Variants in SLC38A6 observed in about 807,000 individuals in gnomAD.
SLC38A6 encodes solute carrier family 38 member 6.
In SLC38A6, 73 loss-of-function variants were observed where a neutral mutation model predicts 65.0. The ratio of observed to expected loss-of-function variants is 1.12; its 90% CI spans 0.93 to 1.37. The LOEUF is 1.37. SLC38A6 is among the 40% of genes most tolerant of loss of function. SLC38A6 has a pLI of 0.00. For missense variants in SLC38A6, 561 were observed against 531.1 expected, an observed-to-expected ratio of 1.06 and a Z score of -0.55; for synonymous variants, 183 against 178.8, an observed-to-expected ratio of 1.02 and a Z score of -0.19.
At chr14:61,022,628 CATCTT>C (rs2040404033) in intron 5 of SLC38A6, among the ~76,000 whole-genome samples, 1 of 151,960 alleles carries the variant, frequency 6.6e-6, no homozygotes, top group Non-Finnish European at 1.5e-5. Flanking sequence ...AATTTTTACA[CATCTT>C]AAGTGCCTGT....
chr14:61,003,795 T>C (rs2038878996), intron 3 of SLC38A6, among the ~76,000 whole-genome samples: 1 of 152,100 alleles, frequency 6.6e-6, no homozygotes, highest in South Asian at 2.1e-4. Flanking sequence ...GTCTCAGGAA[T>C]GGAAAAGTGC....
intron 15 of SLC38A6, among the ~76,000 whole-genome samples, chr14:61,077,424 G>A (rs917588676): frequency 5.9e-5 from 9 of 152,002 alleles, no homozygotes; most frequent in South Asian, 2.1e-4. Flanking sequence ...CTTTGGGAGC[G>A]AAAAATATCT....
chr14:61,074,902 G>A (rs2043349719), intron 15 of SLC38A6, among the ~76,000 whole-genome samples: 1 of 151,860 alleles, frequency 6.6e-6, no homozygotes, highest in African/African-American at 2.4e-5. Context: ...TATGAACGGT[G>A]AATTCTTATA....
At chr14:61,006,785 A>G (rs2039155522) in intron 3 of SLC38A6, among the ~76,000 whole-genome samples, 2 of 152,166 alleles carry the variant, frequency 1.3e-5, no homozygotes, top group Admixed American at 6.5e-5. Context: ...GGGATCTAGA[A>G]CTAGAAATAC....
chr14:61,017,428 C>G (rs2040085543), intron 4 of SLC38A6, among the ~76,000 whole-genome samples: 1 of 152,136 alleles, frequency 6.6e-6, no homozygotes, highest in African/African-American at 2.4e-5. Flanking sequence ...GAAACTTAAA[C>G]AAAACAGAAT....
chr14:61,031,149 C>G (rs1789174406), intron 6 of SLC38A6: 1 of 152,016 alleles, frequency 6.6e-6, no homozygotes, highest in African/African-American at 2.4e-5. Context: ...TGACTCACCT[C>G]TTTATAGGGA....
intron 1 of SLC38A6, among the ~76,000 whole-genome samples, chr14:60,981,869 A>G (rs1370180624): frequency 6.6e-6 from 1 of 152,114 alleles, no homozygotes; most frequent in East Asian, 1.9e-4. Flanking sequence ...CACGTTCCTG[A>G]CCCTAAAGCC....
At chr14:61,002,743 C>A (rs1054291457) in intron 3 of SLC38A6, among the ~76,000 whole-genome samples, 1 of 152,162 alleles carries the variant, frequency 6.6e-6, no homozygotes. Flanking sequence ...TATAGCCTTT[C>A]TGCTCTCACA....
intron 3 of SLC38A6, among the ~76,000 whole-genome samples, chr14:60,989,417 C>T (rs1008066100): frequency 6.6e-6 from 1 of 152,138 alleles, no homozygotes; most frequent in Admixed American, 6.5e-5. Context: ...CATGACAGCA[C>T]TCCTTAAAAT....
chr14:60,998,748 C>T (rs915232187), intron 3 of SLC38A6, among the ~76,000 whole-genome samples: 1 of 152,110 alleles, frequency 6.6e-6, no homozygotes, highest in African/African-American at 2.4e-5. Context: ...GGCTGGAGCC[C>T]AAAAGCGCTC....
chr14:61,061,252 A>G (rs1387317800), intron 15 of SLC38A6, among the ~76,000 whole-genome samples: 1 of 152,212 alleles, frequency 6.6e-6, no homozygotes, highest in Non-Finnish European at 1.5e-5. Flanking sequence ...ATTGATTTGC[A>G]TATGTTGAAC....
intron 15 of SLC38A6, among the ~76,000 whole-genome samples, chr14:61,066,288 A>G (rs543508171): frequency 2.0e-5 from 3 of 152,284 alleles, no homozygotes; most frequent in East Asian, 1.9e-4. Flanking sequence ...CTTTATTGCA[A>G]TCAGAATCCT....
chr14:60,988,397 A>G (rs2037611830), intron 3 of SLC38A6, among the ~76,000 whole-genome samples: 1 of 152,042 alleles, frequency 6.6e-6, no homozygotes, highest in African/African-American at 2.4e-5. Flanking sequence ...GCTTCTACTC[A>G]CCTTTTAGTT....
chr14:61,001,634 A>G (rs2038718553), intron 3 of SLC38A6, among the ~76,000 whole-genome samples: 1 of 151,938 alleles, frequency 6.6e-6, no homozygotes, highest in African/African-American at 2.4e-5. Context: ...TTTGTTTTTA[A>G]TTTTTTTGGT....
intron 15 of SLC38A6, among the ~76,000 whole-genome samples, chr14:61,072,312 A>G (rs1221267557): frequency 6.6e-6 from 1 of 152,180 alleles, no homozygotes; most frequent in Non-Finnish European, 1.5e-5. Context: ...CAGACATGCA[A>G]TGTGAAACAG....
At chr14:60,988,061 C>G (rs1167601292) in intron 3 of SLC38A6, among the ~76,000 whole-genome samples, 1 of 152,226 alleles carries the variant, frequency 6.6e-6, no homozygotes, top group Non-Finnish European at 1.5e-5. Flanking sequence ...CTGGAACTCA[C>G]AGTCAATCAT....
intron 4 of SLC38A6, 152 bp from the exon 5 acceptor site, chr14:61,019,389 A>G (rs980326535): frequency 2.5e-5 from 15 of 596,012 alleles, no homozygotes; most frequent in Non-Finnish European, 3.7e-5. Flanking sequence ...TATTAATTTT[A>G]TGTATTTCAA....
chr14:61,043,094 CTTA>C, intron 8 of SLC38A6, 50 bp from the exon 9 acceptor site: 1 of 1,141,284 alleles, frequency 8.8e-7, no homozygotes, highest in Non-Finnish European at 1.3e-6. Context: ...AATTCAGTTT[CTTA>C]TTAATTTTAT....
intron 3 of SLC38A6, chr14:61,004,374 T>C (rs2038929299): frequency 6.6e-6 from 1 of 152,130 alleles, no homozygotes; most frequent in African/African-American, 2.4e-5. Context: ...GAAAAGCAGG[T>C]GTTTGATATA....
Sources: gnomAD v4.1 joint callset for allele counts (sites outside exome capture counted in the v4.1 genomes callset) on GRCh38, gnomAD v4.1.1 for gene constraint, MANE v1.5 for transcripts, NCBI Gene and HGNC (gene_info 2026-07-23, HGNC 2026-07-21) for gene names.